ITPR2: variants seen among roughly 807,000 people sequenced by gnomAD.
ITPR2 encodes the protein inositol 1,4,5-trisphosphate receptor type 2.
A neutral mutation model predicts 317.1 loss-of-function variants in ITPR2; 207 were observed. That is an observed-to-expected ratio of 0.65 (90% confidence interval 0.58 to 0.73). The LOEUF (loss-of-function observed/expected upper bound fraction) is 0.73. ITPR2 is among the 30% of genes least tolerant of loss of function. ITPR2 has a pLI of 0.00. For missense variants in ITPR2, 2,613 were observed against 3,284.0 expected (o/e 0.80, Z 4.99); for synonymous variants, 1,156 against 1,149.1 (o/e 1.01, Z -0.12).
intron 4 of ITPR2, among the ~76,000 whole-genome samples, chr12:26,724,082 C>T (rs1948881145): frequency 6.6e-6 from 1 of 152,152 alleles, no homozygotes; most frequent in Admixed American, 6.6e-5. Flanking sequence ...TTTTATCTCA[C>T]TATGTAGCTC....
intron 49 of ITPR2, among the ~76,000 whole-genome samples, chr12:26,420,458 G>GA (rs1370230873): frequency 6.6e-6 from 1 of 152,126 alleles, no homozygotes; most frequent in African/African-American, 2.4e-5. Flanking sequence ...GGAGGGATTG[G>GA]AAAACCTTTT....
At chr12:26,436,149 T>G (rs975831954) in intron 48 of ITPR2, 72 bp downstream of exon 48, 15 of 1,356,726 alleles carry the variant, frequency 1.1e-5, no homozygotes, top group African/African-American at 3.0e-5. Flanking sequence ...GAAATTATTC[T>G]TATTTTGAAG....
chr12:26,352,282 T>C (rs889680169), intron 55 of ITPR2, among the ~76,000 whole-genome samples: 2 of 152,086 alleles, frequency 1.3e-5, no homozygotes, highest in African/African-American at 4.8e-5. Flanking sequence ...CCATTCACGG[T>C]AGTTGGAGAG....
intron 13 of ITPR2, among the ~76,000 whole-genome samples, chr12:26,671,929 A>T (rs1002082488): frequency 6.6e-6 from 1 of 152,172 alleles, no homozygotes; most frequent in Non-Finnish European, 1.5e-5. Flanking sequence ...ACTTTAAACC[A>T]ACAAAGATCA....
chr12:26,662,861 G>A (rs1413522622), intron 15 of ITPR2, among the ~76,000 whole-genome samples: 1 of 152,014 alleles, frequency 6.6e-6, no homozygotes, highest in Non-Finnish European at 1.5e-5. Flanking sequence ...GTAGAGATGG[G>A]GGCCTCGCTA....
intron 28 of ITPR2, among the ~76,000 whole-genome samples, chr12:26,600,943 C>G (rs1422556628): frequency 6.6e-6 from 1 of 151,854 alleles, no homozygotes; most frequent in Non-Finnish European, 1.5e-5. Context: ...TCTTTGCTTT[C>G]TCTTCTATTT....
In ITPR2 at chr12:26,789,473, T is replaced by C. The variant is rs564615035; in HGVS notation, c.163+684A>G. ...CATTATGAGAATGAATGGTTATACA[T>C]TGTTCAAAATAAATGCCATTTTAAA... On this transcript the variant is annotated intron_variant, in intron 2 of 56. Coordinates refer to ENST00000381340, the MANE Select transcript of ITPR2 (RefSeq NM_002223.4). Among the ~76,000 whole-genome samples the C allele has an allele frequency of 1.1e-4, 16 of 152,336 alleles. 1 individual carries two copies. In the South Asian group the frequency reaches 2.9e-3, roughly 28 times the overall value.
intron 45 of ITPR2, among the ~76,000 whole-genome samples, chr12:26,462,720 GGA>G (rs1942068125): frequency 6.8e-6 from 1 of 147,564 alleles, no homozygotes; most frequent in Admixed American, 6.8e-5. Flanking sequence ...CGCCCAGGCT[GGA>G]GTGCAATGGC....
chr12:26,572,605 C>G (rs1466990626), intron 34 of ITPR2, among the ~76,000 whole-genome samples: 1 of 152,118 alleles, frequency 6.6e-6, no homozygotes, highest in Non-Finnish European at 1.5e-5. Context: ...GGGGTTGGAT[C>G]CCACCAATCT....
chr12:26,351,188 C>G (rs1938472969), intron 55 of ITPR2, among the ~76,000 whole-genome samples: 1 of 152,186 alleles, frequency 6.6e-6, no homozygotes, highest in Non-Finnish European at 1.5e-5. Context: ...AATGCTGACC[C>G]AACATGAGGG....
At chr12:26,370,937 T>G (rs1159876451) in intron 55 of ITPR2, among the ~76,000 whole-genome samples, 3 of 152,160 alleles carry the variant, frequency 2.0e-5, no homozygotes, top group African/African-American at 7.2e-5. Context: ...CCTCCCAAAG[T>G]GCTGGGATTA....
intron 55 of ITPR2, among the ~76,000 whole-genome samples, chr12:26,361,395 C>T (rs1938827376): frequency 6.6e-6 from 1 of 152,102 alleles, no homozygotes; most frequent in African/African-American, 2.4e-5. Flanking sequence ...CCTCTCATTC[C>T]TGTTGCTCAG....
chr12:26,665,537 G>T (rs1947606559), intron 14 of ITPR2, among the ~76,000 whole-genome samples: 1 of 152,208 alleles, frequency 6.6e-6, no homozygotes, highest in Non-Finnish European at 1.5e-5. Context: ...GCTTCTACCT[G>T]AGCGTCCTCT....
chr12:26,388,375 GA>G (rs1939727770), intron 54 of ITPR2, among the ~76,000 whole-genome samples: 2 of 152,308 alleles, frequency 1.3e-5, no homozygotes, highest in South Asian at 4.1e-4. Flanking sequence ...CTCAGATACT[GA>G]AGAAGAAACC....
chr12:26,751,582 T>C (rs1419859403), intron 2 of ITPR2, among the ~76,000 whole-genome samples: 1 of 152,092 alleles, frequency 6.6e-6, no homozygotes, highest in Non-Finnish European at 1.5e-5. Flanking sequence ...TATAAAAAGT[T>C]TTACAGGCCA....
Position 26,831,830 on chromosome 12 carries a change from TA to T in ITPR2, c.92+859del, listed in dbSNP as rs1951113353. On this transcript the variant is annotated intron_variant, in intron 1 of 56. Coordinates refer to ENST00000381340, the MANE Select transcript of ITPR2 (RefSeq NM_002223.4). This position sits in a 1 kb window ranked among gnomAD's most constrained non-coding sequence, Gnocchi z 4.9. ...AAAATATATAAATATATATTATACA[TA>T]AAATATATAAATATATATTATACAT... is the stretch of plus-strand genomic sequence containing the variant. Among the ~76,000 whole-genome samples, 1 of 144,866 alleles carries T rather than the reference TA, an allele frequency of 6.9e-6. No homozygotes were observed. Among genetic ancestry groups the T allele is most frequent in the Admixed American group, 7.0e-5 (1 of 14,336 alleles).
chr12:26,787,512 T>G (rs1592132165), intron 2 of ITPR2, among the ~76,000 whole-genome samples: 1 of 152,212 alleles, frequency 6.6e-6, no homozygotes, highest in African/African-American at 2.4e-5. Context: ...CCAGGTTCCC[T>G]TAGATACTCT....
At chr12:26,419,769 T>C (rs1940832502) in intron 49 of ITPR2, 1 of 152,156 alleles carries the variant, frequency 6.6e-6, no homozygotes, top group African/African-American at 2.4e-5. Flanking sequence ...AGAAAATATC[T>C]TTTCAGGAAA....
Position 26,339,120 on chromosome 12 carries a change from C to A in ITPR2, c.*277G>T. On this transcript the variant is annotated 3_prime_UTR_variant, in exon 57 of 57. Coordinates refer to ENST00000381340, the MANE Select transcript of ITPR2 (RefSeq NM_002223.4). ...CCGTGTCTCCTTCCATCCTGCCGCT[C>A]CCTGCCCTCTCCAGCCTTTTGGGCA... is the stretch of plus-strand genomic sequence containing the variant. 2 of 353,882 alleles carry A rather than the reference C, an allele frequency of 5.7e-6. No homozygotes were observed. The highest frequency in any genetic ancestry group is 5.2e-6 in the Non-Finnish European group (1 of 192,820). 21.9% of individuals were successfully genotyped at this position (353,882 alleles called of 1,614,324 possible).
Sources: allele counts gnomAD v4.1 joint callset (sites outside exome capture counted in the v4.1 genomes callset), GRCh38; gene constraint gnomAD v4.1.1; non-coding constraint Gnocchi (gnomAD v3.1); transcripts MANE v1.5; gene names NCBI Gene and HGNC (gene_info 2026-07-23, HGNC 2026-07-21).